Variants in PCDHGA3 observed in about 807,000 individuals in gnomAD.
PCDHGA3 encodes the protein protocadherin gamma-A3.
PCDHGA3 carries 40 observed loss-of-function variants against 58.5 expected under a neutral mutation model. The observed-to-expected ratio is 0.68, with a 90% CI of 0.53 to 0.89. PCDHGA3 has a LOEUF of 0.89. PCDHGA3 is among the 40% of genes least tolerant of loss of function. PCDHGA3 has a pLI of 0.00. For synonymous variants in PCDHGA3, 530 were observed against 525.7 expected (o/e 1.01, Z -0.11); for missense variants, 1,223 against 1,195.9 (o/e 1.02, Z -0.33).
At position 141,345,267 on chromosome 5, in the gene PCDHGA3, C is replaced by A. The variant is rs770576379; in HGVS notation, c.1234C>A (p.Arg412Ser). The A allele has an allele frequency of 1.1e-5, 18 of 1,613,882 alleles. 1 individual carries two copies. Among genetic ancestry groups the A allele is most frequent in the South Asian group, 5.5e-5 (5 of 91,068 alleles). The change falls in exon 1 of 4, where the codon CGC (arginine) becomes AGC (serine). Residue 412 changes from arginine (R) to serine (S), a missense_variant. Coordinates refer to ENST00000253812, the MANE Select transcript of PCDHGA3 (RefSeq NM_018916.4). ...YRLVTATSLDREQISEYNISL... is the reference protein window; with the variant it reads ...YRLVTATSLDSEQISEYNISL... ...CTTAGTGACGGCCACATCCCTGGAC[C>A]GCGAACAAATATCAGAATATAACAT...
intron 1 of PCDHGA3, chr5:141,393,423 G>A: frequency 1.2e-6 from 2 of 1,614,040 alleles, no homozygotes; most frequent in South Asian, 2.2e-5. Flanking sequence ...GGACAGGGAG[G>A]AAGAGGCTGC....
At position 141,432,612 on chromosome 5, in the gene PCDHGA3, C is replaced by A. The variant is rs752901891; in HGVS notation, c.2425-62195C>A. On this transcript the variant is annotated intron_variant, in intron 1 of 3. Transcript: ENST00000253812. This position sits in a 1 kb window ranked among gnomAD's most constrained non-coding sequence, Gnocchi z 6.0. ...AAGGCCAGCGAGCCGGGACTCTTCT[C>A]GGTGGGTCTGCACACGGGCGAGGTG... 1 of 1,613,912 alleles carries A rather than the reference C, an allele frequency of 6.2e-7. No individual in the cohort carries two copies. The highest frequency in any genetic ancestry group is 1.1e-5 in the South Asian group (1 of 91,062).
chr5:141,511,342 C>T lies in PCDHGA3; in HGVS notation c.*169C>T. On this transcript the variant is annotated 3_prime_UTR_variant, in exon 4 of 4. Transcript: ENST00000253812. The stretch of plus-strand genomic sequence containing the variant: ...AACAAGTGCCCAGTCAGCACCTACC[C>T]CTTCCCCCCCAGGGGGTTGAATATG... The T allele has an allele frequency of 7.0e-7, 1 of 1,425,078 alleles. No individual in the cohort carries two copies. Among genetic ancestry groups the T allele is most frequent in the East Asian group, 2.5e-5 (1 of 40,014 alleles). 88.3% of individuals were successfully genotyped at this position (1,425,078 alleles called of 1,614,324 possible). A position where few individuals can be genotyped will look rare whatever the true frequency, so the allele number is the denominator to read the frequency against.
chr5:141,374,975 A>G (rs770625909), intron 1 of PCDHGA3: 2 of 1,613,964 alleles, frequency 1.2e-6, no homozygotes, highest in Non-Finnish European at 8.5e-7. Context: ...GAATGTTTTG[A>G]CTGGAGAAAT....
intron 1 of PCDHGA3, chr5:141,394,120 C>T: frequency 5.0e-6 from 8 of 1,613,954 alleles, no homozygotes; most frequent in Non-Finnish European, 5.9e-6. Context: ...TCCACTGAAA[C>T]TCAAATCGCT....
intron 1 of PCDHGA3, chr5:141,409,468 C>T (rs1256188577): frequency 1.9e-6 from 3 of 1,613,948 alleles, no homozygotes; most frequent in Admixed American, 1.7e-5. Flanking sequence ...ATGTCACCAT[C>T]GTAGCCACTG....
chr5:141,394,427 G>A (rs748527281), intron 1 of PCDHGA3: 23 of 1,614,228 alleles, frequency 1.4e-5, no homozygotes, highest in Non-Finnish European at 1.6e-5. Flanking sequence ...GCGACAGCGG[G>A]GACCCGCCCC....
At chr5:141,364,800 C>T in intron 1 of PCDHGA3, 1 of 1,613,952 alleles carries the variant, frequency 6.2e-7, no homozygotes, top group Non-Finnish European at 8.5e-7. Context: ...CTTCCCTTCG[C>T]GCGGGATGCG....
chr5:141,485,067 C>G lies in PCDHGA3; in HGVS notation c.2425-9740C>G, dbSNP rs944494894. On this transcript the variant is annotated intron_variant, in intron 1 of 3. Transcript: ENST00000253812. This position sits in a 1 kb window ranked among gnomAD's most constrained non-coding sequence, Gnocchi z 5.7. Reference sequence around the variant, plus strand: ...CGGCGCCGGCCGAACCGCGCCAGAGCTGGCGCGGGGAAAGGGAGATAGGTG... The same window carrying G: ...CGGCGCCGGCCGAACCGCGCCAGAGGTGGCGCGGGGAAAGGGAGATAGGTG... 21 of 894,418 alleles carry G rather than the reference C, an allele frequency of 2.3e-5. No individual in the cohort carries two copies. The highest frequency in any genetic ancestry group is 1.8e-4 in the Admixed American group (8 of 43,320). 55.4% of individuals were successfully genotyped at this position (894,418 alleles called of 1,614,324 possible). A position where few individuals can be genotyped will look rare whatever the true frequency, so the allele number is the denominator to read the frequency against.
chr5:141,438,072 A>C (rs761630845), intron 1 of PCDHGA3, among the ~76,000 whole-genome samples: 1 of 152,158 alleles, frequency 6.6e-6, no homozygotes, highest in Non-Finnish European at 1.5e-5. Flanking sequence ...AACCATACTT[A>C]ATGGAAAATT....
intron 1 of PCDHGA3, chr5:141,410,095 C>T (rs2095356889): frequency 1.2e-6 from 2 of 1,612,676 alleles, no homozygotes; most frequent in Non-Finnish European, 1.7e-6. Flanking sequence ...CGGCTCGAGC[C>T]TTAGGCGACA....
At chr5:141,356,543 A>G (rs1760251301) in intron 1 of PCDHGA3, 2 of 1,614,090 alleles carry the variant, frequency 1.2e-6, no homozygotes, top group Non-Finnish European at 1.7e-6. Context: ...ATCAATGACA[A>G]CCCACCCACT....
At position 141,394,887 on chromosome 5, in the gene PCDHGA3, T is replaced by C. The variant is rs781200096; in HGVS notation, c.2424+48430T>C. 63 of 1,613,752 alleles carry C rather than the reference T, an allele frequency of 3.9e-5. 1 individual carries two copies. In the Admixed American group the frequency reaches 1.0e-3, roughly 26 times the overall value. ...CCCGAACGATTCGAGCCTTACACTC[T>C]ATCTCGTGGTGGCAGTGGCTGCCAT... is the stretch of plus-strand genomic sequence containing the variant. On this transcript the variant is annotated intron_variant, in intron 1 of 3. Coordinates refer to ENST00000253812, the MANE Select transcript of PCDHGA3 (RefSeq NM_018916.4).
chr5:141,365,129 A>G, intron 1 of PCDHGA3: 1 of 1,613,908 alleles, frequency 6.2e-7, no homozygotes, highest in Non-Finnish European at 8.5e-7. Context: ...GCTAACCGCC[A>G]CGGATCCAGA....
intron 1 of PCDHGA3, among the ~76,000 whole-genome samples, chr5:141,368,183 A>C (rs1765520676): frequency 6.6e-6 from 1 of 152,202 alleles, no homozygotes; most frequent in South Asian, 2.1e-4. Flanking sequence ...TAATGACTAA[A>C]TAAGGGGAAA....
At chr5:141,394,884 C>T (rs2093119839) in intron 1 of PCDHGA3, 2 of 1,613,902 alleles carry the variant, frequency 1.2e-6, no homozygotes, top group Non-Finnish European at 1.7e-6. Flanking sequence ...GAGCCTTACA[C>T]TCTATCTCGT....
rs1409012917 is a variant in PCDHGA3 at position 141,512,928 on chromosome 5, T to A, written c.*1755T>A. On this transcript the variant is annotated 3_prime_UTR_variant, in exon 4 of 4. Transcript: ENST00000253812. ...CAAGTTTTATACTCTAATATTTATA[T>A]GGCTTTTTTTCTTCGACAAAAAAAT... is the stretch of plus-strand genomic sequence containing the variant. 1.3e-5 allele frequency: 2 copies of A among 152,190 alleles called. No individual in the cohort carries two copies. Among genetic ancestry groups the A allele is most frequent in the Non-Finnish European group, 2.9e-5 (2 of 68,044 alleles). The allele number at this position is 152,190 out of a possible 1,614,324, so 9.4% of individuals were successfully genotyped here.
intron 1 of PCDHGA3, among the ~76,000 whole-genome samples, chr5:141,450,006 C>CTATTTT (rs70988802): frequency 0.12 from 16,177 of 132,696 alleles, 1,810 homozygotes; most frequent in African/African-American, 0.21. Flanking sequence ...TGCCATGTCT[C>CTATTTT]TTTTTTTTTT....
rs1423837519 is a variant in PCDHGA3 at position 141,346,410 on chromosome 5, A to C, written c.2377A>C (p.Ile793Leu). Reference sequence around the variant, plus strand: ...CTGTGAGAAAAGCGAGCCTCTTCTGATAACTCAGGATTTACTTGAAATGAA... The same window carrying C: ...CTGTGAGAAAAGCGAGCCTCTTCTGCTAACTCAGGATTTACTTGAAATGAA... ...ESCEKSEPLL[I>L]TQDLLEMKGD... is the part of the protein sequence containing the mutation. The change falls in exon 1 of 4, where the codon ATA becomes CTA. Residue 793 changes from isoleucine (I) to leucine (L), a missense_variant. By Grantham distance (5) the Ile-to-Leu change is conservative (BLOSUM62 2). This residue lies in a region of PCDHGA3 where 325 missense variants were observed against 327.5 expected (regional missense o/e 0.99). Transcript: ENST00000253812. The C allele has an allele frequency of 6.2e-7, 1 of 1,614,250 alleles. No homozygotes were observed. Among genetic ancestry groups the C allele is most frequent in the Non-Finnish European group, 8.5e-7 (1 of 1,180,046 alleles).
Sources: allele counts gnomAD v4.1 joint callset (sites outside exome capture counted in the v4.1 genomes callset), GRCh38; gene constraint gnomAD v4.1.1; regional missense constraint gnomAD v4.1.1; non-coding constraint Gnocchi (gnomAD v3.1); transcripts MANE v1.5; gene names NCBI Gene and HGNC (gene_info 2026-07-23, HGNC 2026-07-21).